GRIK4: variants seen among roughly 807,000 people sequenced by gnomAD.
The protein encoded by GRIK4 is glutamate receptor ionotropic, kainate 4.
Under a neutral mutation model 104.9 loss-of-function variants are expected in GRIK4, and 40 were observed. The ratio of observed to expected loss-of-function variants is 0.38; its 90% CI spans 0.30 to 0.50. GRIK4 has a LOEUF of 0.50. Ranked by LOEUF, GRIK4 falls within the 20% of genes least tolerant of loss-of-function variation. The probability of loss-of-function intolerance (pLI) is 0.93; values close to 1 mark genes in which losing one functional copy is unlikely to be tolerated. For missense variants in GRIK4, 1,047 were observed against 1,308.1 expected, an observed-to-expected ratio of 0.80 and a Z score of 3.08; for synonymous variants, 485 against 524.9, an observed-to-expected ratio of 0.92 and a Z score of 1.04.
At position 120,875,202 on chromosome 11, in the gene GRIK4, G is replaced by A. The variant is rs1194564512; in HGVS notation, c.1123G>A (p.Ala375Thr). 6 of 1,613,520 alleles carry A rather than the reference G, an allele frequency of 3.7e-6. No individual in the cohort carries two copies. The highest frequency in any genetic ancestry group is 3.3e-5 in the Admixed American group (2 of 59,998). Residue 375 changes from alanine to threonine, a missense_variant, in exon 11 of 21, where the codon GCT (alanine) becomes ACT (threonine). By Grantham distance (58) the Ala-to-Thr change is moderately conservative (BLOSUM62 0). Transcript: ENST00000527524. ...CAGCAAAGGCCAGAGGTCCAACTAC[G>A]CTTTGAAAATCTTACAGTTCACAAG... Reference protein sequence around the residue: ...FNSKGQRSNYALKILQFTRNG... With the variant: ...FNSKGQRSNYTLKILQFTRNG...
intron 18 of GRIK4, among the ~76,000 whole-genome samples, chr11:120,965,831 G>A (rs1242946193): frequency 1.3e-5 from 2 of 152,250 alleles, no homozygotes; most frequent in African/African-American, 4.8e-5. Flanking sequence ...ATCCCCAGGT[G>A]ATTGCAATGC....
intron 3 of GRIK4, among the ~76,000 whole-genome samples, chr11:120,786,515 C>T (rs956510178): frequency 1.3e-5 from 2 of 152,182 alleles, no homozygotes; most frequent in South Asian, 2.1e-4. Context: ...CACCTTCACT[C>T]ATTTGTCCCC....
chr11:120,697,660 G>A (rs1950474459), intron 3 of GRIK4, among the ~76,000 whole-genome samples: 1 of 152,198 alleles, frequency 6.6e-6, no homozygotes, highest in Non-Finnish European at 1.5e-5. Flanking sequence ...ATGGCCAGAG[G>A]AAAGGTAGCT....
chr11:120,815,643 A>C (rs1250398290), intron 5 of GRIK4, among the ~76,000 whole-genome samples, 168 bp downstream of exon 5: 1 of 152,150 alleles, frequency 6.6e-6, no homozygotes, highest in Non-Finnish European at 1.5e-5. Flanking sequence ...GCCCTGCTCC[A>C]GGATGTTTGC....
At chr11:120,932,114 A>C (rs886592441) in intron 13 of GRIK4, among the ~76,000 whole-genome samples, 3 of 151,502 alleles carry the variant, frequency 2.0e-5, no homozygotes, top group Admixed American at 6.6e-5. Context: ...TCATGGTGAC[A>C]TATATAACCC....
At chr11:120,672,197 C>T (rs1162804059) in intron 3 of GRIK4, among the ~76,000 whole-genome samples, 4 of 152,154 alleles carry the variant, frequency 2.6e-5, no homozygotes, top group Non-Finnish European at 5.9e-5. Flanking sequence ...GCAGGCGGAT[C>T]ATGAGTTCGG....
At chr11:120,714,330 G>A (rs1950789431) in intron 3 of GRIK4, among the ~76,000 whole-genome samples, 1 of 152,186 alleles carries the variant, frequency 6.6e-6, no homozygotes, top group Non-Finnish European at 1.5e-5. Context: ...AAGATGAGGG[G>A]CTTTCAGAAG....
At chr11:120,551,452 A>G (rs1178102581) in intron 1 of GRIK4, among the ~76,000 whole-genome samples, 2 of 152,212 alleles carry the variant, frequency 1.3e-5, no homozygotes, top group Non-Finnish European at 2.9e-5. Flanking sequence ...GCCGTTCTGC[A>G]TCCAGATCAT....
At chr11:120,972,255 G>A (rs1235914840) in intron 19 of GRIK4, among the ~76,000 whole-genome samples, 12 of 152,310 alleles carry the variant, frequency 7.9e-5, no homozygotes, top group Admixed American at 7.2e-4. Context: ...AAGGTTCTGG[G>A]GTGAGATGTG....
intron 1 of GRIK4, among the ~76,000 whole-genome samples, chr11:120,535,273 CAGAGGGA>C (rs1045374008): frequency 1.2e-4 from 10 of 82,832 alleles, no homozygotes; most frequent in African/African-American, 5.6e-4. Context: ...CTCCTGGGAC[CAGAGGGA>C]AGAGGGAAGG....
At chr11:120,602,782 A>T (rs1171074908) in intron 1 of GRIK4, among the ~76,000 whole-genome samples, 1 of 152,196 alleles carries the variant, frequency 6.6e-6, no homozygotes, top group Admixed American at 6.5e-5. Flanking sequence ...AGCTCACTGC[A>T]GCCTTGGACT....
At chr11:120,774,717 T>A (rs947829520) in intron 3 of GRIK4, among the ~76,000 whole-genome samples, 12 of 151,788 alleles carry the variant, frequency 7.9e-5, no homozygotes, top group African/African-American at 2.9e-4. Flanking sequence ...ATTCTCTCTG[T>A]GAATAGGGAG....
At chr11:120,853,573 G>A (rs1252273275) in intron 8 of GRIK4, among the ~76,000 whole-genome samples, 1 of 152,212 alleles carries the variant, frequency 6.6e-6, no homozygotes, top group Non-Finnish European at 1.5e-5. Context: ...TGAATGAGAT[G>A]TGGACAGTGA....
chr11:120,591,996 C>T (rs138584026), intron 1 of GRIK4, among the ~76,000 whole-genome samples: 6 of 152,158 alleles, frequency 3.9e-5, no homozygotes, highest in Admixed American at 6.5e-5. Context: ...ACAAACCACT[C>T]GTGCAGGCTC....
At chr11:120,669,393 C>G (rs1949975733) in intron 3 of GRIK4, among the ~76,000 whole-genome samples, 1 of 152,204 alleles carries the variant, frequency 6.6e-6, no homozygotes, top group African/African-American at 2.4e-5. Flanking sequence ...TAAAAACCTT[C>G]CTTAGCTGCT....
chr11:120,904,860 A>G (rs1037037365), intron 12 of GRIK4, among the ~76,000 whole-genome samples: 11 of 152,040 alleles, frequency 7.2e-5, no homozygotes, highest in African/African-American at 2.2e-4. Context: ...CCTCTTCCCA[A>G]TGCCCTCCTT....
At chr11:120,745,050 G>A (rs949687935) in intron 3 of GRIK4, among the ~76,000 whole-genome samples, 6 of 152,158 alleles carry the variant, frequency 3.9e-5, no homozygotes, top group Non-Finnish European at 7.4e-5. Context: ...CTTGATGACC[G>A]AGGGGAATTG....
chr11:120,917,266 A>C (rs1592077789), intron 13 of GRIK4, among the ~76,000 whole-genome samples: 1 of 146,940 alleles, frequency 6.8e-6, no homozygotes, highest in Admixed American at 6.7e-5. Context: ...AAAAAAAAAA[A>C]AAAAAAGAAA....
chr11:120,978,162 C>T lies in GRIK4; in HGVS notation c.2396-3944C>T, dbSNP rs79655826. 6.4e-3 allele frequency among the ~76,000 whole-genome samples: 980 copies of T among 152,296 alleles called. 9 individuals are homozygous for T. Among genetic ancestry groups the T allele is most frequent in the African/African-American group, 0.022 (931 of 41,550 alleles). The stretch of plus-strand genomic sequence containing the variant: ...AGCTATAATGGGCCAGGTACCATGA[C>T]CGTGAGGTTATAGAGTTGAACAAGG... On this transcript the variant is annotated intron_variant, in intron 19 of 20. Transcript: ENST00000527524.
Sources: gnomAD v4.1 joint callset for allele counts (sites outside exome capture counted in the v4.1 genomes callset) on GRCh38, gnomAD v4.1.1 for gene constraint, MANE v1.5 for transcripts, NCBI Gene and HGNC (gene_info 2026-07-23, HGNC 2026-07-21) for gene names.